The following CGRRF1 variants were observed in gnomAD, a reference collection of about 807,000 sequenced individuals.
CGRRF1 encodes the protein cell growth regulator with ring finger domain 1.
Under a neutral mutation model 37.2 loss-of-function variants are expected in CGRRF1, and 32 were observed. The ratio of observed to expected loss-of-function variants is 0.86; its 90% CI spans 0.65 to 1.16. CGRRF1 has a LOEUF of 1.16. Among genes scored for constraint, CGRRF1 ranks in the 50% most tolerant of loss-of-function variants. The pLI is 0.00. For missense variants in CGRRF1, 391 were observed against 382.6 expected (o/e 1.02, Z -0.18); for synonymous variants, 141 against 140.3 (o/e 1.00, Z -0.04).
chr14:54,520,062 G>A (rs1257602833), intron 1 of CGRRF1, among the ~76,000 whole-genome samples: 1 of 152,040 alleles, frequency 6.6e-6, no homozygotes, highest in Non-Finnish European at 1.5e-5. Flanking sequence ...TTCGTTTATA[G>A]TTTTTTGAAG....
intron 2 of CGRRF1, among the ~76,000 whole-genome samples, chr14:54,526,469 TA>T (rs201457011): frequency 1.0e-4 from 15 of 148,126 alleles, no homozygotes; most frequent in South Asian, 2.1e-4. Flanking sequence ...AATTTATAAT[TA>T]AAAAAAAAAG....
intron 4 of CGRRF1, 137 bp downstream of exon 4, chr14:54,531,187 G>A: frequency 3.0e-6 from 2 of 660,504 alleles, no homozygotes; most frequent in Non-Finnish European, 5.1e-6. Flanking sequence ...ATACCTATTT[G>A]GTTTTTATAT....
chr14:54,509,969 G>GT lies in CGRRF1; in HGVS notation c.11dup (p.Phe5ValfsTer7). On this transcript the variant is annotated frameshift_variant, in exon 1 of 6. Coordinates refer to ENST00000216420, the MANE Select transcript of CGRRF1 (RefSeq NM_006568.3). LOFTEE classifies it high-confidence loss of function. ...CCAGAGCAAGACCCTGATGGCTGCG[G>GT]TGTTTCTGGTAACGCTTTATGAATA... 1.2e-6 allele frequency: 2 copies of GT among 1,612,962 alleles called. No individual in the cohort carries two copies. The highest frequency in any genetic ancestry group is 3.3e-4 in the Middle Eastern group (2 of 6,058).
chr14:54,512,163 C>T (rs142506540), intron 1 of CGRRF1, among the ~76,000 whole-genome samples: 57 of 152,180 alleles, frequency 3.7e-4, no homozygotes, highest in Middle Eastern at 3.4e-3. Flanking sequence ...CCCATAATAC[C>T]ATCTCTACTG....
intron 4 of CGRRF1, among the ~76,000 whole-genome samples, chr14:54,531,725 C>T (rs1264731597): frequency 6.6e-6 from 1 of 151,956 alleles, no homozygotes; most frequent in African/African-American, 2.4e-5. Context: ...ATTATTTTTT[C>T]AGTCTGATAG....
chr14:54,510,159 CGGA>C, intron 1 of CGRRF1, 96 bp downstream of exon 1: 1 of 848,740 alleles, frequency 1.2e-6, no homozygotes, highest in Non-Finnish European at 1.9e-6. Context: ...GGCCGCGGGC[CGGA>C]GGACGTCGGG....
intron 3 of CGRRF1, chr14:54,530,552 G>A (rs1256557303): frequency 2.9e-5 from 37 of 1,269,990 alleles, no homozygotes; most frequent in Non-Finnish European, 3.9e-5. Context: ...AAGATGCTCT[G>A]TGGAGTGAAT....
intron 1 of CGRRF1, among the ~76,000 whole-genome samples, chr14:54,520,603 C>A (rs559250734): frequency 6.8e-4 from 103 of 152,324 alleles, no homozygotes; most frequent in Non-Finnish European, 1.0e-3. Flanking sequence ...ATTTTTATTT[C>A]TACCATAAAT....
intron 4 of CGRRF1, among the ~76,000 whole-genome samples, chr14:54,531,621 G>A (rs1366864897): frequency 6.6e-6 from 1 of 152,050 alleles, no homozygotes; most frequent in African/African-American, 2.4e-5. Flanking sequence ...CAGTCACCTT[G>A]TTTCCATCAA....
intron 2 of CGRRF1, among the ~76,000 whole-genome samples, chr14:54,528,685 C>T (rs1257790155): frequency 6.6e-6 from 1 of 152,006 alleles, no homozygotes; most frequent in Non-Finnish European, 1.5e-5. Flanking sequence ...AAATGTTTTC[C>T]TTCAGCTATT....
intron 4 of CGRRF1, among the ~76,000 whole-genome samples, chr14:54,534,155 C>T (rs1304662730): frequency 5.3e-5 from 8 of 151,832 alleles, no homozygotes; most frequent in African/African-American, 1.9e-4. Flanking sequence ...GACAGAATCT[C>T]GCTCTGTCGC....
At chr14:54,528,816 T>C (rs2032459522) in intron 2 of CGRRF1, among the ~76,000 whole-genome samples, 1 of 152,182 alleles carries the variant, frequency 6.6e-6, no homozygotes, top group South Asian at 2.1e-4. Context: ...AAATTTTTCC[T>C]TAAGTATGAT....
At chr14:54,528,984 T>C (rs763441247) in intron 2 of CGRRF1, among the ~76,000 whole-genome samples, 1 of 152,132 alleles carries the variant, frequency 6.6e-6, no homozygotes, top group Non-Finnish European at 1.5e-5. Flanking sequence ...TGATCACATT[T>C]TAAAAAATAG....
rs1172075502 is a variant in CGRRF1 at position 54,522,471 on chromosome 14, C to T, written c.122C>T (p.Pro41Leu). 4 of 1,569,466 alleles carry T rather than the reference C, an allele frequency of 2.5e-6. No individual in the cohort carries two copies. The highest frequency in any genetic ancestry group is 2.1e-5 in the Admixed American group (1 of 48,750). ...TTTTTTAGGTTTGGTTGGGATGTTCCAGTAATTCTGAGAAATTCAGAAGAG... is the reference window on the plus strand; with the variant it reads ...TTTTTTAGGTTTGGTTGGGATGTTCTAGTAATTCTGAGAAATTCAGAAGAG... ...LVLGWFGWDV[P>L]VILRNSEETQ... The change falls in exon 2 of 6, where the codon CCA becomes CTA. Residue 41 changes from proline to leucine, a missense_variant. Physicochemically the swap from Pro to Leu is moderately conservative, Grantham distance 98. Transcript: ENST00000216420.
intron 2 of CGRRF1, among the ~76,000 whole-genome samples, chr14:54,526,681 T>A (rs115261192): frequency 5.4e-4 from 83 of 152,328 alleles, no homozygotes; most frequent in African/African-American, 2.0e-3. Flanking sequence ...ATTCAGGAAT[T>A]CTGCTTTTTG....
rs926245753 is a variant in CGRRF1, at chr14:54,515,098, T to G, written c.104+5035T>G. ...TATTGGGTGAGTTTTTTGTTTTTTT[T>G]TTTTTTTTTGAGACAGAGTCTCGCT... On this transcript the variant is annotated intron_variant, in intron 1 of 5. Transcript: ENST00000216420. Among the ~76,000 whole-genome samples, 5 of 149,176 alleles carry G rather than the reference T, an allele frequency of 3.4e-5. No individual in the cohort carries two copies. In the East Asian group the frequency reaches 5.8e-4, roughly 17 times the overall value.
intron 4 of CGRRF1, chr14:54,536,778 A>G (rs990757610): frequency 6.6e-6 from 1 of 152,120 alleles, no homozygotes; most frequent in African/African-American, 2.4e-5. Flanking sequence ...CACCTTGTGA[A>G]TATTTATTCT....
chr14:54,532,179 G>A (rs577705268), intron 4 of CGRRF1, among the ~76,000 whole-genome samples: 1 of 152,228 alleles, frequency 6.6e-6, no homozygotes, highest in South Asian at 2.1e-4. Flanking sequence ...ATATCTTCCT[G>A]CAACAAGTGT....
intron 1 of CGRRF1, among the ~76,000 whole-genome samples, chr14:54,518,471 A>G (rs1320961129): frequency 6.6e-6 from 1 of 151,390 alleles, no homozygotes; most frequent in Non-Finnish European, 1.5e-5. Flanking sequence ...AATCACTTGA[A>G]CCCAGGAGGT....
Sources: allele counts gnomAD v4.1 joint callset (sites outside exome capture counted in the v4.1 genomes callset), GRCh38; gene constraint gnomAD v4.1.1; transcripts MANE v1.5; gene names NCBI Gene and HGNC (gene_info 2026-07-23, HGNC 2026-07-21).